Variants in RPSA2 observed in about 807,000 individuals in gnomAD.
RPSA2 encodes the protein ribosomal protein SA 2.
chr19:23,852,382 A>C, the RPSA2 span, among the ~76,000 whole-genome samples: 1 of 152,118 alleles, frequency 6.6e-6, no homozygotes, highest in African/African-American at 2.4e-5. Context: ...AGAGCTGTGA[A>C]GTGGGAAATC....
chr19:23,868,489 G>T, the RPSA2 span, among the ~76,000 whole-genome samples: 13 of 150,176 alleles, frequency 8.7e-5, no homozygotes, highest in Non-Finnish European at 1.5e-4. Context: ...CACATCAAAC[G>T]TTACAACGCA....
the RPSA2 span, among the ~76,000 whole-genome samples, chr19:23,763,895 G>GTT: frequency 6.6e-6 from 1 of 152,138 alleles, no homozygotes; most frequent in Non-Finnish European, 1.5e-5. Context: ...AAAGCAAAGG[G>GTT]TTTTATAAAG....
the RPSA2 span, among the ~76,000 whole-genome samples, chr19:23,768,744 G>A: frequency 1.3e-5 from 2 of 148,270 alleles, no homozygotes; most frequent in Non-Finnish European, 3.0e-5. Context: ...CACACCACCA[G>A]GCCCATCTAA....
At chr19:23,798,477 A>T in the RPSA2 span, among the ~76,000 whole-genome samples, 1 of 152,104 alleles carries the variant, frequency 6.6e-6, no homozygotes, top group African/African-American at 2.4e-5. Flanking sequence ...ATTTAATAGT[A>T]TTTTCTACAA....
At chr19:23,759,421 C>A in the RPSA2 span, among the ~76,000 whole-genome samples, 1 of 151,684 alleles carries the variant, frequency 6.6e-6, no homozygotes, top group African/African-American at 2.4e-5. Flanking sequence ...CACCTTACAC[C>A]CAGAGTTCAC....
At chr19:23,778,294 C>T in the RPSA2 span, among the ~76,000 whole-genome samples, 1 of 152,152 alleles carries the variant, frequency 6.6e-6, no homozygotes, top group Non-Finnish European at 1.5e-5. Flanking sequence ...CTAACCGCAA[C>T]CTCTGCCTCC....
At chr19:23,770,115 G>A in the RPSA2 span, among the ~76,000 whole-genome samples, 1 of 152,112 alleles carries the variant, frequency 6.6e-6, no homozygotes, top group Admixed American at 6.5e-5. Flanking sequence ...CATACTCATA[G>A]CATTTTGACA....
At chr19:23,832,697 T>G in the RPSA2 span, 10 of 1,507,910 alleles carry the variant, frequency 6.6e-6, no homozygotes, top group Non-Finnish European at 9.0e-6. Flanking sequence ...CATAAGAGGA[T>G]GCACACTGGA....
chr19:23,809,761 A>G, the RPSA2 span, among the ~76,000 whole-genome samples: 2 of 151,742 alleles, frequency 1.3e-5, no homozygotes, highest in Non-Finnish European at 2.9e-5. Context: ...ATATAAGATT[A>G]CATGGTCTAC....
chr19:23,868,298 C>T, the RPSA2 span, among the ~76,000 whole-genome samples: 1 of 152,146 alleles, frequency 6.6e-6, no homozygotes, highest in Non-Finnish European at 1.5e-5. Context: ...TGCTACAAGC[C>T]AAATGGGTGA....
the RPSA2 span, among the ~76,000 whole-genome samples, chr19:23,768,373 CCT>C: frequency 6.6e-6 from 1 of 151,038 alleles, no homozygotes; most frequent in Non-Finnish European, 1.5e-5. Context: ...ACCATCAGCT[CCT>C]CTTTTTTTCA....
the RPSA2 span, among the ~76,000 whole-genome samples, chr19:23,792,440 A>G: frequency 6.6e-6 from 1 of 152,280 alleles, no homozygotes; most frequent in South Asian, 2.1e-4. Flanking sequence ...TATAAAGGAG[A>G]TTGGGAGGGT....
the RPSA2 span, among the ~76,000 whole-genome samples, chr19:23,857,091 G>A: frequency 1.3e-5 from 2 of 152,070 alleles, no homozygotes. Flanking sequence ...TCCCAGAATG[G>A]CCGTTTATAG....
At chr19:23,762,701 G>A in the RPSA2 span, among the ~76,000 whole-genome samples, 8 of 143,130 alleles carry the variant, frequency 5.6e-5, no homozygotes, top group Non-Finnish European at 7.6e-5. Flanking sequence ...AAGTCCAAAT[G>A]TTCTTTCTTA....
At chr19:23,769,581 T>C in the RPSA2 span, among the ~76,000 whole-genome samples, 11 of 152,220 alleles carry the variant, frequency 7.2e-5, no homozygotes, top group Non-Finnish European at 1.5e-4. Flanking sequence ...TGACCTCAAG[T>C]GATCCACCTG....
At chr19:23,785,868 T>C in the RPSA2 span, among the ~76,000 whole-genome samples, 1 of 152,198 alleles carries the variant, frequency 6.6e-6, no homozygotes, top group Non-Finnish European at 1.5e-5. Context: ...TCTCCTTTTT[T>C]GTACAAAGTC....
the RPSA2 span, among the ~76,000 whole-genome samples, chr19:23,866,311 G>T: frequency 0.12 from 17,886 of 152,270 alleles, 1,113 homozygotes; most frequent in East Asian, 0.22. Flanking sequence ...CTGCAGAAAT[G>T]CTTACCATAG....
the RPSA2 span, among the ~76,000 whole-genome samples, chr19:23,848,534 G>A: frequency 8.5e-5 from 13 of 152,274 alleles, no homozygotes; most frequent in African/African-American, 3.1e-4. Flanking sequence ...AAACCAGCTT[G>A]AGAGACTTCA....
chr19:23,762,167 C>G, the RPSA2 span, among the ~76,000 whole-genome samples: 1 of 150,634 alleles, frequency 6.6e-6, no homozygotes, highest in Non-Finnish European at 1.5e-5. Flanking sequence ...CAGCCCACCT[C>G]AGCCTCCCAA....
Sources: allele counts gnomAD v4.1 joint callset (sites outside exome capture counted in the v4.1 genomes callset), GRCh38; gene constraint gnomAD v4.1.1; transcripts MANE v1.5; gene names NCBI Gene and HGNC (gene_info 2026-07-23, HGNC 2026-07-21).